Variants in CADM2 observed in about 807,000 individuals in gnomAD.
CADM2 encodes the protein cell adhesion molecule 2.
A neutral mutation model predicts 49.8 loss-of-function variants in CADM2; 12 were observed. The observed-to-expected ratio is 0.24, with a 90% CI of 0.15 to 0.39. CADM2 has a LOEUF of 0.39. Among genes scored for constraint, CADM2 ranks in the 10% least tolerant of loss-of-function variants. CADM2 has a pLI of 1.00. For synonymous variants in CADM2, 214 were observed against 175.4 expected, an observed-to-expected ratio of 1.22 and a Z score of -1.74; for missense variants, 378 against 492.3, an observed-to-expected ratio of 0.77 and a Z score of 2.20.
At chr3:86,013,893 C>T (rs1731861605) in intron 8 of CADM2, 1 of 1,594,960 alleles carries the variant, frequency 6.3e-7, no homozygotes, top group South Asian at 1.1e-5. Flanking sequence ...AGAAAAATAT[C>T]CCCAAGCTAT....
At chr3:85,231,230 C>T (rs2042279546) in intron 1 of CADM2, among the ~76,000 whole-genome samples, 1 of 152,112 alleles carries the variant, frequency 6.6e-6, no homozygotes. Context: ...AACACTGAGA[C>T]AATTTTTTTC....
chr3:85,736,224 G>C lies in CADM2; in HGVS notation c.88+9676G>C, dbSNP rs189369917. Among the ~76,000 whole-genome samples, 670 of 152,282 alleles carry C rather than the reference G, an allele frequency of 4.4e-3. 6 individuals carry two copies. Among genetic ancestry groups the C allele is most frequent in the Non-Finnish European group, 6.6e-3 (447 of 68,016 alleles). ...GGGGCAAATGCTCTTCATAAGTCAAGATAGATACAAATGGATTTAGCAATG... is the reference window on the plus strand; with the variant it reads ...GGGGCAAATGCTCTTCATAAGTCAACATAGATACAAATGGATTTAGCAATG... On this transcript the variant is annotated intron_variant, in intron 2 of 9. Coordinates refer to ENST00000383699, the MANE Select transcript of CADM2 (RefSeq NM_001167675.2).
chr3:85,096,830 T>C (rs2107534632), intron 1 of CADM2, among the ~76,000 whole-genome samples: 1 of 152,286 alleles, frequency 6.6e-6, no homozygotes, highest in African/African-American at 2.4e-5. Context: ...ATGTTTACTT[T>C]ATATTCATTT....
intron 1 of CADM2, among the ~76,000 whole-genome samples, chr3:85,049,511 C>T (rs988509414): frequency 4.0e-5 from 6 of 151,802 alleles, no homozygotes; most frequent in Admixed American, 2.6e-4. Flanking sequence ...CCACCACACC[C>T]GGCTATTTCT....
At chr3:85,225,353 C>G (rs1662856443) in intron 1 of CADM2, among the ~76,000 whole-genome samples, 1 of 152,236 alleles carries the variant, frequency 6.6e-6, no homozygotes, top group East Asian at 1.9e-4. Flanking sequence ...ATTTAATTCT[C>G]TTTGTAGCAA....
At chr3:85,731,239 C>G (rs1164058817) in intron 2 of CADM2, among the ~76,000 whole-genome samples, 2 of 152,128 alleles carry the variant, frequency 1.3e-5, no homozygotes, top group African/African-American at 2.4e-5. Flanking sequence ...TTGCTTCAAA[C>G]TATTTTGAGA....
rs148975633 is a variant in CADM2, at chr3:85,951,913, C to T, written c.792-9556C>T. ...GAGAAAGGGAAAAAACAAAACAAAA[C>T]AAATCTGATTGACTGGATCCTAAGA... On this transcript the variant is annotated intron_variant, in intron 7 of 9. Coordinates refer to ENST00000383699, the MANE Select transcript of CADM2 (RefSeq NM_001167675.2). Among the ~76,000 whole-genome samples the T allele has an allele frequency of 2.1e-4, 32 of 150,900 alleles. No homozygotes were observed. The East Asian group carries it at 5.5e-3, about 26-fold the overall frequency.
At chr3:85,307,954 A>C (rs914619263) in intron 1 of CADM2, among the ~76,000 whole-genome samples, 1 of 151,296 alleles carries the variant, frequency 6.6e-6, no homozygotes, top group African/African-American at 2.4e-5. Flanking sequence ...AAAAAAAAAA[A>C]ACACAATAAT....
intron 2 of CADM2, among the ~76,000 whole-genome samples, chr3:85,731,972 G>A (rs2067951199): frequency 6.6e-6 from 1 of 151,542 alleles, no homozygotes; most frequent in African/African-American, 2.4e-5. Flanking sequence ...AGTGGGCCGG[G>A]TGTGATGGCT....
intron 1 of CADM2, among the ~76,000 whole-genome samples, chr3:84,997,188 C>T (rs2033223323): frequency 6.6e-6 from 1 of 152,078 alleles, no homozygotes; most frequent in African/African-American, 2.4e-5. Context: ...TTACTGCCTT[C>T]TGGAATGGAT....
At chr3:85,124,749 T>G (rs1450436262) in intron 1 of CADM2, among the ~76,000 whole-genome samples, 1 of 152,212 alleles carries the variant, frequency 6.6e-6, no homozygotes, top group African/African-American at 2.4e-5. Context: ...ATTGTATTAT[T>G]ACATTAGCCA....
intron 1 of CADM2, among the ~76,000 whole-genome samples, chr3:85,250,341 T>C (rs1326481778): frequency 6.6e-6 from 1 of 151,676 alleles, no homozygotes; most frequent in African/African-American, 2.4e-5. Flanking sequence ...AATATACGAC[T>C]TGGTTTACTT....
chr3:85,117,784 T>A (rs902264687), intron 1 of CADM2, among the ~76,000 whole-genome samples: 1 of 152,216 alleles, frequency 6.6e-6, no homozygotes, highest in Non-Finnish European at 1.5e-5. Context: ...TAAATACTTA[T>A]GAAGGATGTC....
At chr3:85,566,276 A>C (rs1006401168) in intron 1 of CADM2, among the ~76,000 whole-genome samples, 10 of 152,154 alleles carry the variant, frequency 6.6e-5, no homozygotes, top group Non-Finnish European at 1.2e-4. Context: ...TCTAGAAAAC[A>C]ATAGAAATTT....
chr3:85,579,456 ACATG>A (rs2062731887), intron 1 of CADM2, among the ~76,000 whole-genome samples: 1 of 152,140 alleles, frequency 6.6e-6, no homozygotes, highest in Admixed American at 6.6e-5. Flanking sequence ...AGCAATTTCA[ACATG>A]CACAAGGCTG....
chr3:85,628,530 C>T (rs182656983), intron 1 of CADM2, among the ~76,000 whole-genome samples: 17 of 148,858 alleles, frequency 1.1e-4, no homozygotes, highest in Admixed American at 7.5e-4. Context: ...TATATACACA[C>T]ATATATATAC....
At chr3:85,643,570 A>G (rs181441195) in intron 1 of CADM2, among the ~76,000 whole-genome samples, 2 of 152,242 alleles carry the variant, frequency 1.3e-5, no homozygotes, top group Admixed American at 1.3e-4. Flanking sequence ...TTCAGTTTAA[A>G]TAATGGGGGA....
chr3:85,979,116 T>A, intron 8 of CADM2: 1 of 1,589,570 alleles, frequency 6.3e-7, no homozygotes, highest in South Asian at 1.1e-5. Context: ...GTGTTTCTCT[T>A]TTGTTTGCAT....
chr3:85,083,538 C>T (rs1211167158), intron 1 of CADM2, among the ~76,000 whole-genome samples: 1 of 152,054 alleles, frequency 6.6e-6, no homozygotes, highest in Non-Finnish European at 1.5e-5. Context: ...AGAGACAGCT[C>T]TTAATGAAGT....
Sources: gnomAD v4.1 joint callset for allele counts (sites outside exome capture counted in the v4.1 genomes callset) on GRCh38, gnomAD v4.1.1 for gene constraint, MANE v1.5 for transcripts, NCBI Gene and HGNC (gene_info 2026-07-23, HGNC 2026-07-21) for gene names.